Variants in FHOD3 observed in about 807,000 individuals in gnomAD.
The protein encoded by FHOD3 is FH1/FH2 domain-containing protein 3.
In FHOD3, 90 loss-of-function variants were observed where a neutral mutation model predicts 173.0. The observed-to-expected ratio is 0.52, with a 90% CI of 0.44 to 0.62. The LOEUF (loss-of-function observed/expected upper bound fraction) is 0.62. Among genes scored for constraint, FHOD3 ranks in the 20% least tolerant of loss-of-function variants. FHOD3 has a pLI of 0.00. For synonymous variants in FHOD3, 828 were observed against 823.0 expected (o/e 1.01, Z -0.10); for missense variants, 1,945 against 2,034.7 (o/e 0.96, Z 0.85).
intron 3 of FHOD3, among the ~76,000 whole-genome samples, chr18:36,453,934 A>G (rs572905685): frequency 6.6e-6 from 1 of 152,294 alleles, no homozygotes; most frequent in South Asian, 2.1e-4. Flanking sequence ...AGGTCCTCTT[A>G]TACTGGTTTG....
At chr18:36,561,795 A>C (rs1165459125) in intron 5 of FHOD3, among the ~76,000 whole-genome samples, 1 of 152,132 alleles carries the variant, frequency 6.6e-6, no homozygotes, top group Non-Finnish European at 1.5e-5. Context: ...GTGTGGTCAC[A>C]ATAGGAAGAT....
chr18:36,711,694 G>A (rs1011666447), intron 18 of FHOD3, among the ~76,000 whole-genome samples: 3 of 152,182 alleles, frequency 2.0e-5, no homozygotes, highest in African/African-American at 7.2e-5. Flanking sequence ...ATAATCAGAG[G>A]AGGACTGTGA....
intron 5 of FHOD3, among the ~76,000 whole-genome samples, chr18:36,518,781 C>T (rs544761786): frequency 4.6e-5 from 7 of 152,294 alleles, no homozygotes; most frequent in African/African-American, 1.7e-4. Flanking sequence ...CAGAAAGATG[C>T]AATCACCACG....
chr18:36,394,565 T>A (rs2048457403), intron 3 of FHOD3, among the ~76,000 whole-genome samples: 1 of 152,212 alleles, frequency 6.6e-6, no homozygotes, highest in South Asian at 2.1e-4. Context: ...TTCAATCAGT[T>A]GCACTTAATG....
chr18:36,777,962 G>C (rs2043809368), intron 28 of FHOD3: 1 of 152,204 alleles, frequency 6.6e-6, no homozygotes, highest in Non-Finnish European at 1.5e-5. Flanking sequence ...TTGATTCTTT[G>C]AGTTAAATGC....
At chr18:36,442,788 T>A (rs1458476535) in intron 3 of FHOD3, among the ~76,000 whole-genome samples, 1 of 152,226 alleles carries the variant, frequency 6.6e-6, no homozygotes, top group Admixed American at 6.5e-5. Flanking sequence ...TTTTGTCCAC[T>A]GTCTCACTAA....
chr18:36,720,735 T>TCTCCTCCTCCTTCTTCTC lies in FHOD3; in HGVS notation c.3417+2026_3417+2043dup, dbSNP rs1568670496. ...TCCTCCTTCTCTTCCTCCTTCTTCTTCTCCTCCTCCTTCTTCTCCTCCTGC... is the reference window on the plus strand; with the variant it reads ...TCCTCCTTCTCTTCCTCCTTCTTCTTCTCCTCCTCCTTCTTCTCCTCCTCCTCCTTCTTCTCCTCCTGC... On this transcript the variant is annotated intron_variant, in intron 19 of 28. Transcript: ENST00000590592. Among the ~76,000 whole-genome samples the TCTCCTCCTCCTTCTTCTC allele has an allele frequency of 5.4e-5, 8 of 148,436 alleles. No individual in the cohort carries two copies. In the East Asian group the frequency reaches 1.6e-3, roughly 30 times the overall value.
At chr18:36,329,454 C>T (rs1407695752) in intron 1 of FHOD3, among the ~76,000 whole-genome samples, 1 of 152,162 alleles carries the variant, frequency 6.6e-6, no homozygotes. Context: ...GCCACTGTGC[C>T]AGAGACTTCA....
chr18:36,417,544 A>G (rs539333759), intron 3 of FHOD3, among the ~76,000 whole-genome samples: 108 of 152,348 alleles, frequency 7.1e-4, no homozygotes, highest in African/African-American at 2.3e-3. Context: ...ATGTGTCTTT[A>G]TAATAGAATG....
At chr18:36,681,908 A>G (rs1314936936) in intron 15 of FHOD3, among the ~76,000 whole-genome samples, 2 of 152,112 alleles carry the variant, frequency 1.3e-5, no homozygotes, top group East Asian at 3.9e-4. Context: ...AATGGTCCTC[A>G]TGTTTTATTC....
At chr18:36,509,475 T>C (rs1026652680) in intron 4 of FHOD3, among the ~76,000 whole-genome samples, 2 of 150,878 alleles carry the variant, frequency 1.3e-5, no homozygotes, top group African/African-American at 4.9e-5. Context: ...TATGAGACAG[T>C]TGGAAATTTG....
intron 9 of FHOD3, among the ~76,000 whole-genome samples, chr18:36,624,018 A>T (rs895236605): frequency 1.3e-5 from 2 of 152,236 alleles, no homozygotes; most frequent in African/African-American, 4.8e-5. Flanking sequence ...ATTCTCTCAC[A>T]TGGAAGGACT....
At chr18:36,416,224 A>G (rs1367582158) in intron 3 of FHOD3, among the ~76,000 whole-genome samples, 1 of 152,102 alleles carries the variant, frequency 6.6e-6, no homozygotes, top group Non-Finnish European at 1.5e-5. Context: ...TATTAGAGAC[A>G]GGGTTCCACC....
intron 24 of FHOD3, among the ~76,000 whole-genome samples, chr18:36,752,838 G>A (rs1284450218): frequency 6.6e-6 from 1 of 152,204 alleles, no homozygotes; most frequent in Non-Finnish European, 1.5e-5. Context: ...CTATTAGAAT[G>A]AGGTGAAGTG....
rs1399494361 is a variant in FHOD3 at position 36,727,247 on chromosome 18, A to T, written c.3418-3399A>T. 2.0e-5 allele frequency among the ~76,000 whole-genome samples: 3 copies of T among 152,300 alleles called. No homozygotes were observed. In the East Asian group the frequency reaches 5.8e-4, roughly 29 times the overall value. On this transcript the variant is annotated intron_variant, in intron 19 of 28. Transcript: ENST00000590592. ...GCTTTGGCTCAGAAGGACAATTCAA[A>T]TGGATCAGAATAGATGACTGCCAAT...
chr18:36,366,887 T>C (rs528723774), intron 2 of FHOD3, among the ~76,000 whole-genome samples: 84 of 152,314 alleles, frequency 5.5e-4, no homozygotes, highest in African/African-American at 1.9e-3. Context: ...TATCCTTGAC[T>C]GAAACTATAG....
At chr18:36,615,977 G>T (rs901883655) in intron 9 of FHOD3, among the ~76,000 whole-genome samples, 1 of 152,196 alleles carries the variant, frequency 6.6e-6, no homozygotes, top group Non-Finnish European at 1.5e-5. Context: ...AGCTCTTTGT[G>T]CGCTGCTCTG....
chr18:36,380,519 C>G (rs529400932), intron 3 of FHOD3, among the ~76,000 whole-genome samples: 1 of 148,032 alleles, frequency 6.8e-6, no homozygotes, highest in East Asian at 2.0e-4. Context: ...CTCCTTTCCT[C>G]TCTCCCTTTT....
chr18:36,665,799 A>G (rs886750883), intron 14 of FHOD3, among the ~76,000 whole-genome samples: 1 of 152,218 alleles, frequency 6.6e-6, no homozygotes, highest in Non-Finnish European at 1.5e-5. Flanking sequence ...CTGGCCAGCA[A>G]GGCCTGGGAG....
Sources: gnomAD v4.1 joint callset for allele counts (sites outside exome capture counted in the v4.1 genomes callset) on GRCh38, gnomAD v4.1.1 for gene constraint, MANE v1.5 for transcripts, NCBI Gene and HGNC (gene_info 2026-07-23, HGNC 2026-07-21) for gene names.